FHIT: variants seen among roughly 807,000 people sequenced by gnomAD.
FHIT encodes fragile histidine triad diadenosine triphosphatase.
FHIT carries 19 observed loss-of-function variants against 17.9 expected under a neutral mutation model. The ratio of observed to expected loss-of-function variants is 1.06; its 90% CI spans 0.74 to 1.56. FHIT has a LOEUF of 1.56. Among genes scored for constraint, FHIT ranks in the 40% most tolerant of loss-of-function variants. FHIT has a pLI of 0.00. For synonymous variants in FHIT, 81 were observed against 69.7 expected (o/e 1.16, Z -0.81); for missense variants, 248 against 189.2 (o/e 1.31, Z -1.82).
intron 5 of FHIT, among the ~76,000 whole-genome samples, chr3:60,347,537 G>A (rs1381780829): frequency 1.3e-5 from 2 of 151,960 alleles, no homozygotes; most frequent in East Asian, 3.9e-4. Flanking sequence ...CACATCAATA[G>A]TTATTGTAGA....
chr3:60,635,969 G>A (rs75354670), intron 4 of FHIT, among the ~76,000 whole-genome samples: 1 of 152,108 alleles, frequency 6.6e-6, no homozygotes, highest in African/African-American at 2.4e-5. Flanking sequence ...GTCTTAGTTT[G>A]TCAACCCCTG....
chr3:59,874,105 T>C (rs1703044989), intron 8 of FHIT, among the ~76,000 whole-genome samples: 2 of 152,062 alleles, frequency 1.3e-5, no homozygotes, highest in Admixed American at 1.3e-4. Context: ...TATCCTCGCC[T>C]CTCAAAAAAG....
intron 5 of FHIT, among the ~76,000 whole-genome samples, chr3:60,279,307 T>G (rs1219667722): frequency 6.6e-6 from 1 of 152,110 alleles, no homozygotes; most frequent in Non-Finnish European, 1.5e-5. Context: ...GGCAATTCCT[T>G]AAAAGAAACA....
intron 4 of FHIT, among the ~76,000 whole-genome samples, chr3:60,550,408 T>C (rs566869506): frequency 3.3e-5 from 5 of 152,310 alleles, no homozygotes; most frequent in East Asian, 3.9e-4. Context: ...CAAGAATACC[T>C]GTAACATTTT....
intron 5 of FHIT, among the ~76,000 whole-genome samples, chr3:60,215,569 T>C (rs1703662320): frequency 6.8e-6 from 1 of 147,564 alleles, no homozygotes; most frequent in Non-Finnish European, 1.5e-5. Context: ...TCTCAAAAAA[T>C]AAAATAAAAT....
chr3:60,377,530 G>A (rs543391876), intron 5 of FHIT, among the ~76,000 whole-genome samples: 9 of 131,812 alleles, frequency 6.8e-5, no homozygotes, highest in East Asian at 2.2e-4. Flanking sequence ...GCCGGACTGC[G>A]GACTGCAGTG....
chr3:61,201,555 T>A (rs1477301299), intron 1 of FHIT, among the ~76,000 whole-genome samples: 2 of 152,086 alleles, frequency 1.3e-5, no homozygotes, highest in Admixed American at 1.3e-4. Context: ...TCCTTCAATA[T>A]CTGAAGGGAT....
Position 60,560,239 on chromosome 3 carries a change from G to C in FHIT, c.-17-23260C>G, listed in dbSNP as rs375785177. On this transcript the variant is annotated intron_variant, in intron 4 of 9. Transcript: ENST00000492590. ...ACTAATTAGTATACCATATAGAAGT[G>C]CCTGTCTTGTATTATTTACAGTGCC... Among the ~76,000 whole-genome samples, 8 of 152,204 alleles carry C rather than the reference G, an allele frequency of 5.3e-5. No homozygotes were observed. The South Asian group carries it at 1.7e-3, about 32-fold the overall frequency.
intron 2 of FHIT, among the ~76,000 whole-genome samples, chr3:61,071,046 C>A (rs559400278): frequency 1.1e-4 from 17 of 152,196 alleles, no homozygotes; most frequent in African/African-American, 4.1e-4. Flanking sequence ...GATTTCAGTA[C>A]AAGTTGTGAT....
chr3:59,964,913 C>A (rs1026669595), intron 7 of FHIT, among the ~76,000 whole-genome samples: 7 of 152,036 alleles, frequency 4.6e-5, no homozygotes, highest in Non-Finnish European at 1.0e-4. Flanking sequence ...TCCATCGGGC[C>A]ATAAATTTGA....
intron 3 of FHIT, among the ~76,000 whole-genome samples, chr3:60,905,148 G>A (rs1489983500): frequency 1.3e-5 from 2 of 152,154 alleles, no homozygotes; most frequent in African/African-American, 2.4e-5. Flanking sequence ...GAACCTGGGT[G>A]TGGTGTACAC....
At chr3:59,893,566 G>T (rs180800651) in intron 8 of FHIT, among the ~76,000 whole-genome samples, 2 of 152,336 alleles carry the variant, frequency 1.3e-5, no homozygotes, top group Admixed American at 6.5e-5. Context: ...AACATTATAA[G>T]TGCGCTGAAC....
chr3:61,231,958 G>A (rs1470015721), intron 1 of FHIT, among the ~76,000 whole-genome samples: 1 of 152,174 alleles, frequency 6.6e-6, no homozygotes, highest in African/African-American at 2.4e-5. Context: ...TGCTTGGGTT[G>A]TGACTGTGGT....
At chr3:60,205,879 G>A (rs527903793) in intron 5 of FHIT, among the ~76,000 whole-genome samples, 1 of 151,624 alleles carries the variant, frequency 6.6e-6, no homozygotes, top group South Asian at 2.1e-4. Context: ...GAGGCCGAGG[G>A]GGGCAGATCA....
intron 8 of FHIT, among the ~76,000 whole-genome samples, chr3:59,865,505 A>T (rs1038295312): frequency 6.6e-6 from 1 of 152,240 alleles, no homozygotes; most frequent in Non-Finnish European, 1.5e-5. Context: ...ATGTCAGATT[A>T]CAGGCTGAAA....
intron 5 of FHIT, among the ~76,000 whole-genome samples, chr3:60,020,574 A>G (rs1700517990): frequency 6.6e-6 from 1 of 152,206 alleles, no homozygotes; most frequent in Non-Finnish European, 1.5e-5. Context: ...ACTAATAAAA[A>G]AGAGTCTGTA....
At chr3:60,571,145 C>T (rs528514097) in intron 4 of FHIT, among the ~76,000 whole-genome samples, 8 of 151,678 alleles carry the variant, frequency 5.3e-5, no homozygotes, top group East Asian at 2.0e-4. Flanking sequence ...CTGGCCAACA[C>T]GGTGACATCC....
At chr3:60,221,560 C>A (rs1434575179) in intron 5 of FHIT, among the ~76,000 whole-genome samples, 1 of 152,206 alleles carries the variant, frequency 6.6e-6, no homozygotes, top group Admixed American at 6.5e-5. Context: ...ATGCAAACTT[C>A]TGGTCATTTC....
At chr3:61,102,632 C>A (rs28885672) in intron 2 of FHIT, among the ~76,000 whole-genome samples, 1 of 152,164 alleles carries the variant, frequency 6.6e-6, no homozygotes, top group Non-Finnish European at 1.5e-5. Flanking sequence ...AGGAATGGTA[C>A]CAGCTCCTCT....
Sources: gnomAD v4.1 joint callset for allele counts (sites outside exome capture counted in the v4.1 genomes callset) on GRCh38, gnomAD v4.1.1 for gene constraint, MANE v1.5 for transcripts, NCBI Gene and HGNC (gene_info 2026-07-23, HGNC 2026-07-21) for gene names.